CCDC171: variants seen among roughly 807,000 people sequenced by gnomAD.
CCDC171 encodes the protein coiled-coil domain-containing protein 171.
CCDC171 carries 177 observed loss-of-function variants against 168.2 expected under a neutral mutation model. That is an observed-to-expected ratio of 1.05 (90% CI 0.93 to 1.19). The LOEUF is 1.19. Ranked by LOEUF, CCDC171 falls within the 50% of genes most tolerant of loss-of-function variation. The pLI, the probability that CCDC171 is intolerant of heterozygous loss-of-function variation, is 0.00. For missense variants in CCDC171, 1,991 were observed against 1,539.0 expected, an observed-to-expected ratio of 1.29 and a Z score of -4.91; for synonymous variants, 687 against 540.8, an observed-to-expected ratio of 1.27 and a Z score of -3.75.
At chr9:15,585,684 T>C (rs971357232) in intron 4 of CCDC171, among the ~76,000 whole-genome samples, 9 of 152,166 alleles carry the variant, frequency 5.9e-5, no homozygotes, top group African/African-American at 2.2e-4. Context: ...TGAATGTATT[T>C]ATTCATAAAA....
chr9:15,857,054 G>C (rs913854234), intron 23 of CCDC171, among the ~76,000 whole-genome samples: 1 of 151,880 alleles, frequency 6.6e-6, no homozygotes, highest in African/African-American at 2.4e-5. Flanking sequence ...TTAAAATGAG[G>C]TTATTAGTTT....
intron 21 of CCDC171, among the ~76,000 whole-genome samples, chr9:15,809,131 A>C (rs943179513): frequency 1.8e-4 from 28 of 152,178 alleles, no homozygotes; most frequent in Non-Finnish European, 3.1e-4. Context: ...TCAACATAAA[A>C]ATTTTTTGGG....
intron 18 of CCDC171, among the ~76,000 whole-genome samples, chr9:15,749,561 C>T (rs2055567730): frequency 6.6e-6 from 1 of 152,180 alleles, no homozygotes; most frequent in Non-Finnish European, 1.5e-5. Flanking sequence ...AAATTGACCA[C>T]ATAATTCGAA....
At chr9:15,618,147 T>G (rs1360324050) in intron 6 of CCDC171, among the ~76,000 whole-genome samples, 1 of 152,216 alleles carries the variant, frequency 6.6e-6, no homozygotes, top group Admixed American at 6.5e-5. Flanking sequence ...CCAGGTGCTC[T>G]GTCCTACCAG....
At chr9:15,602,992 A>AT (rs1218039158) in intron 6 of CCDC171, among the ~76,000 whole-genome samples, 2 of 149,892 alleles carry the variant, frequency 1.3e-5, no homozygotes, top group African/African-American at 2.5e-5. Context: ...TTATTTATGT[A>AT]TTTTTTTGAG....
chr9:16,079,195 A>G, the CCDC171 span, among the ~76,000 whole-genome samples: 1 of 152,350 alleles, frequency 6.6e-6, no homozygotes, highest in Admixed American at 6.5e-5. Context: ...ACAACCAGCA[A>G]CATCTCTGAT....
At chr9:16,038,110 T>C (rs1213141723), upstream of CCDC171, among the ~76,000 whole-genome samples, 1 of 152,124 alleles carries the variant, frequency 6.6e-6, no homozygotes, top group Non-Finnish European at 1.5e-5. Flanking sequence ...CAACAACAGA[T>C]ATTAAAAGTC....
At chr9:15,914,619 G>A (rs1824222634) in intron 24 of CCDC171, among the ~76,000 whole-genome samples, 2 of 152,074 alleles carry the variant, frequency 1.3e-5, no homozygotes, top group Non-Finnish European at 2.9e-5. Context: ...AGACCACTTG[G>A]CTCCCTGGCT....
chr9:15,763,627 C>G lies in CCDC171; in HGVS notation c.2672-13973C>G, dbSNP rs79785132. Among the ~76,000 whole-genome samples, 1,208 of 152,298 alleles carry G rather than the reference C, an allele frequency of 7.9e-3. 14 individuals carry two copies. The highest frequency in any genetic ancestry group is 0.028 in the African/African-American group (1,148 of 41,566). Reference sequence around the variant, plus strand: ...CCCAGGAGCTGGGAAAATGGCCAGACTTCTCCTTAGGTGAGGCCAAATTTC... The same window carrying G: ...CCCAGGAGCTGGGAAAATGGCCAGAGTTCTCCTTAGGTGAGGCCAAATTTC... On this transcript the variant is annotated intron_variant, in intron 18 of 25. Transcript: ENST00000380701.
chr9:15,818,425 G>T lies in CCDC171; in HGVS notation c.3268-28277G>T, dbSNP rs1588674768. 1.7e-5 allele frequency among the ~76,000 whole-genome samples: 2 copies of T among 116,766 alleles called. 1 individual carries two copies. Among genetic ancestry groups the T allele is most frequent in the East Asian group, 4.3e-4 (2 of 4,660 alleles). 76.6% of individuals were successfully genotyped at this position (116,766 alleles called of 152,430 possible). A position where few individuals can be genotyped will look rare whatever the true frequency, so the allele number is the denominator to read the frequency against. Reference sequence around the variant, plus strand: ...CTAAAGGAGGAAGTTCGAACGAATGGCAAAGAAGTTAAAAACCTTTAAAAA... The same window carrying T: ...CTAAAGGAGGAAGTTCGAACGAATGTCAAAGAAGTTAAAAACCTTTAAAAA... On this transcript the variant is annotated intron_variant, in intron 21 of 25. Coordinates refer to ENST00000380701, the MANE Select transcript of CCDC171 (RefSeq NM_173550.4).
intron 6 of CCDC171, among the ~76,000 whole-genome samples, chr9:15,610,970 G>A (rs1217060844): frequency 1.3e-5 from 2 of 152,184 alleles, no homozygotes; most frequent in African/African-American, 4.8e-5. Flanking sequence ...ATATTGAAAT[G>A]TAATCACCAG....
intron 23 of CCDC171, among the ~76,000 whole-genome samples, chr9:15,854,074 A>G (rs1331089932): frequency 2.1e-5 from 3 of 143,680 alleles, no homozygotes; most frequent in African/African-American, 2.6e-5. Context: ...TTTTCTTGTG[A>G]TATCTTTGTC....
the CCDC171 span, among the ~76,000 whole-genome samples, chr9:16,091,706 T>C: frequency 6.6e-6 from 1 of 152,234 alleles, no homozygotes. Flanking sequence ...TTGATATTTC[T>C]GATTCTTCCT....
At chr9:15,673,279 C>A (rs200030724) in intron 9 of CCDC171, among the ~76,000 whole-genome samples, 1 of 152,188 alleles carries the variant, frequency 6.6e-6, no homozygotes, top group Non-Finnish European at 1.5e-5. Context: ...TCTAAATATA[C>A]AATCATGTCA....
At chr9:15,609,441 A>C (rs1355471347) in intron 6 of CCDC171, among the ~76,000 whole-genome samples, 1 of 152,154 alleles carries the variant, frequency 6.6e-6, no homozygotes, top group African/African-American at 2.4e-5. Context: ...TGAATTTATC[A>C]GTATATTTTT....
chr9:16,087,730 AT>A, the CCDC171 span, among the ~76,000 whole-genome samples: 1 of 151,888 alleles, frequency 6.6e-6, no homozygotes. Context: ...TAATTGGGGC[AT>A]TTAGCCCATT....
At chr9:15,923,202 C>T (rs766273954) in intron 25 of CCDC171, among the ~76,000 whole-genome samples, 6 of 151,358 alleles carry the variant, frequency 4.0e-5, no homozygotes, top group African/African-American at 1.5e-4. Context: ...TATCTGCGCT[C>T]CTATGTTTAT....
chr9:15,628,647 G>A (rs1269762795), intron 7 of CCDC171, among the ~76,000 whole-genome samples: 1 of 152,196 alleles, frequency 6.6e-6, no homozygotes, highest in Non-Finnish European at 1.5e-5. Context: ...AGACTTAAAT[G>A]TCCCTGTCTG....
rs371519443 is a variant in CCDC171 at position 15,578,883 on chromosome 9, G to A, written c.212G>A (p.Arg71Gln). The change falls in exon 4 of 26, where the codon CGG becomes CAG. Residue 71 changes from arginine to glutamine, a missense_variant. Transcript: ENST00000380701. ...ASYESQIAKL[R>Q]SEVEKGEALR... The stretch of plus-strand genomic sequence containing the variant: ...TATGAGAGCCAGATTGCCAAGCTAC[G>A]GTCCGAGGTTGAAAAGGGAGAAGCA... 1.4e-5 allele frequency: 22 copies of A among 1,613,470 alleles called. No homozygotes were observed. The highest frequency in any genetic ancestry group is 8.3e-5 in the Admixed American group (5 of 59,898).
Sources: gnomAD v4.1 joint callset for allele counts (sites outside exome capture counted in the v4.1 genomes callset) on GRCh38, gnomAD v4.1.1 for gene constraint, MANE v1.5 for transcripts, NCBI Gene and HGNC (gene_info 2026-07-23, HGNC 2026-07-21) for gene names.